The following F5 variants were observed in gnomAD, a reference collection of about 807,000 sequenced individuals.
F5 encodes the protein coagulation factor V, also known as activated protein c cofactor.
In F5, 138 loss-of-function variants were observed where a neutral mutation model predicts 216.4. The observed-to-expected ratio is 0.64, with a 90% CI of 0.56 to 0.73. The LOEUF is 0.73. F5 is among the 30% of genes least tolerant of loss of function. The pLI is 0.00. For missense variants in F5, 2,403 were observed against 2,674.0 expected, an observed-to-expected ratio of 0.90 and a Z score of 2.24; for synonymous variants, 916 against 930.7, an observed-to-expected ratio of 0.98 and a Z score of 0.29.
At chr1:169,543,940 T>C (rs999444019) in intron 12 of F5, among the ~76,000 whole-genome samples, 1 of 152,200 alleles carries the variant, frequency 6.6e-6, no homozygotes, top group Admixed American at 6.5e-5. Context: ...CTGTACCTGA[T>C]GATTGAAGAT....
intron 10 of F5, among the ~76,000 whole-genome samples, chr1:169,549,413 A>C (rs1257765163): frequency 6.6e-6 from 1 of 152,190 alleles, no homozygotes; most frequent in Admixed American, 6.5e-5. Context: ...AAAGAGCTTT[A>C]TACTTTTACC....
chr1:169,536,998 CTA>C (rs1659719742), intron 13 of F5, among the ~76,000 whole-genome samples: 1 of 151,690 alleles, frequency 6.6e-6, no homozygotes, highest in South Asian at 2.1e-4. Flanking sequence ...TATAATATCT[CTA>C]GAATATATAT....
intron 3 of F5, among the ~76,000 whole-genome samples, chr1:169,570,086 C>G (rs1660690368): frequency 6.6e-6 from 1 of 152,056 alleles, no homozygotes; most frequent in Non-Finnish European, 1.5e-5. Context: ...CTTTCCCTAC[C>G]AATATGTATT....
At chr1:169,527,723 G>C (rs952518503) in intron 17 of F5, among the ~76,000 whole-genome samples, 192 bp downstream of exon 17, 2 of 152,166 alleles carry the variant, frequency 1.3e-5, no homozygotes, top group Non-Finnish European at 2.9e-5. Context: ...GCTGCAAATA[G>C]TTCATAAATT....
At position 169,541,695 on chromosome 1, in the gene F5, A is replaced by G. The variant is rs770317746; in HGVS notation, c.3395T>C (p.Ile1132Thr). 1.9e-6 allele frequency: 3 copies of G among 1,614,036 alleles called. No individual in the cohort carries two copies. Among genetic ancestry groups the G allele is most frequent in the Non-Finnish European group, 2.5e-6 (3 of 1,179,982 alleles). ...PPEEHYQTFP[I>T]QDPDQMHSTS... ...AGAGTGCATTTGATCAGGGTCTTGA[A>G]TGGGGAATGTTTGATAGTGTTCCTC... The change falls in exon 13 of 25, where the codon ATT (isoleucine) becomes ACT (threonine). Residue 1132 changes from isoleucine to threonine, a missense_variant. Coordinates refer to ENST00000367797, the MANE Select transcript of F5 (RefSeq NM_000130.5).
rs774489966 is a variant in F5, at chr1:169,542,838, A to G, written c.2252T>C (p.Phe751Ser). The G allele has an allele frequency of 1.5e-5, 24 of 1,613,982 alleles. No individual in the cohort carries two copies. The highest frequency in any genetic ancestry group is 9.3e-6 in the Non-Finnish European group (11 of 1,180,002). Residue 751 changes from phenylalanine to serine, a missense_variant, in exon 13 of 25, where the codon TTC (phenylalanine) becomes TCC (serine). Phe to Ser is a radical substitution (Grantham distance 155). Coordinates refer to ENST00000367797, the MANE Select transcript of F5 (RefSeq NM_000130.5). ...NSSLNQEEEEFNLTALALENG... is the reference protein window; with the variant it reads ...NSSLNQEEEESNLTALALENG... ...CTCCAGAGCTAGGGCAGTAAGATTG[A>G]ACTCTTCTTCTTCCTGATTCAATGA...
At position 169,512,126 on chromosome 1, in the gene F5, T is replaced by G. The variant is rs1659039821; in HGVS notation, c.*2187A>C. Among the ~76,000 whole-genome samples the G allele has an allele frequency of 6.6e-6, 1 of 152,038 alleles. No individual in the cohort carries two copies. Among genetic ancestry groups the G allele is most frequent in the African/African-American group, 2.4e-5 (1 of 41,408 alleles). Reference sequence around the variant, plus strand: ...CTGTCTGAGCAATGGATTAGAAACATTATAAGTTTCATTTTATGGAAGAGA... The same window carrying G: ...CTGTCTGAGCAATGGATTAGAAACAGTATAAGTTTCATTTTATGGAAGAGA... On this transcript the variant is annotated 3_prime_UTR_variant, in exon 25 of 25. Transcript: ENST00000367797.
chr1:169,574,313 C>T (rs1660793954), intron 2 of F5, among the ~76,000 whole-genome samples: 1 of 152,138 alleles, frequency 6.6e-6, no homozygotes, highest in African/African-American at 2.4e-5. Flanking sequence ...CAAATATCAC[C>T]TCAGCCTCAA....
chr1:169,525,738 A>G lies in F5; in HGVS notation c.5716+163T>C, dbSNP rs1659430368. 2.6e-5 allele frequency among the ~76,000 whole-genome samples: 4 copies of G among 152,204 alleles called. No individual in the cohort carries two copies. In the South Asian group the frequency reaches 8.3e-4, roughly 32 times the overall value. Reference sequence around the variant, plus strand: ...TTTTGATCTGACTGATGTGTTTTCAATGCAATCAGACCATGGGCCGGAATA... The same window carrying G: ...TTTTGATCTGACTGATGTGTTTTCAGTGCAATCAGACCATGGGCCGGAATA... On this transcript the variant is annotated intron_variant, in intron 18 of 24. Coordinates refer to ENST00000367797, the MANE Select transcript of F5 (RefSeq NM_000130.5).
intron 23 of F5, among the ~76,000 whole-genome samples, chr1:169,517,556 A>G (rs1659189023): frequency 6.6e-6 from 1 of 152,188 alleles, no homozygotes; most frequent in Non-Finnish European, 1.5e-5. Context: ...AGTTGGCTGA[A>G]GGGATCATCA....
chr1:169,556,765 T>G lies in F5; in HGVS notation c.833A>C (p.Gln278Pro), dbSNP rs1159315937. 1.2e-6 allele frequency: 2 copies of G among 1,614,138 alleles called. No individual in the cohort carries two copies. Among genetic ancestry groups the G allele is most frequent in the Non-Finnish European group, 1.7e-6 (2 of 1,180,008 alleles). The change falls in exon 6 of 25, where the codon CAG becomes CCG. Residue 278 changes from glutamine to proline, a missense_variant. This residue lies in a region of F5 where 1,425 missense variants were observed against 1,554.8 expected (regional missense o/e 0.92). Transcript: ENST00000367797. ...SIHFNGQVLEQNHHKVSAITL... is the reference protein window; with the variant it reads ...SIHFNGQVLEPNHHKVSAITL... Reference sequence around the variant, plus strand: ...GATGGCTGAGACCTTATGATGGTTCTGCTCCAGGACCTGGCCGTTGAAATG... The same window carrying G: ...GATGGCTGAGACCTTATGATGGTTCGGCTCCAGGACCTGGCCGTTGAAATG...
At chr1:169,572,544 G>A (rs192909481) in intron 2 of F5, among the ~76,000 whole-genome samples, 4 of 152,248 alleles carry the variant, frequency 2.6e-5, no homozygotes, top group African/African-American at 9.6e-5. Context: ...ACAATAGAAT[G>A]GTAGAAACAC....
In F5 at chr1:169,529,593, G is replaced by A. The variant is rs770737543; in HGVS notation, c.5419+15C>T. On this transcript the variant is annotated intron_variant, in intron 16 of 24. Coordinates refer to ENST00000367797, the MANE Select transcript of F5 (RefSeq NM_000130.5). Reference sequence around the variant, plus strand: ...GATTTAATTAGGAGATTAGATCAAAGTCTGAGGAAAATACCGTGAAACTCA... The same window carrying A: ...GATTTAATTAGGAGATTAGATCAAAATCTGAGGAAAATACCGTGAAACTCA... The A allele has an allele frequency of 6.2e-7, 1 of 1,609,000 alleles. No homozygotes were observed. Among genetic ancestry groups the A allele is most frequent in the South Asian group, 1.1e-5 (1 of 90,982 alleles).
rs1438410513 is a variant in F5 at position 169,540,940 on chromosome 1, G to C, written c.4150C>G (p.Leu1384Val). The C allele has an allele frequency of 6.2e-7, 1 of 1,614,174 alleles. No individual in the cohort carries two copies. The highest frequency in any genetic ancestry group is 8.5e-7 in the Non-Finnish European group (1 of 1,180,022). Reference protein sequence around the residue: ...NLSPELSQTNLSPDLSEMPLF... With the variant: ...NLSPELSQTNVSPDLSEMPLF... Reference sequence around the variant, plus strand: ...GGCATCTCACTGAGGTCTGGGGAAAGGTTTGTCTGACTGAGTTCTGGAGAG... The same window carrying C: ...GGCATCTCACTGAGGTCTGGGGAAACGTTTGTCTGACTGAGTTCTGGAGAG... Residue 1384 changes from leucine (L) to valine (V), a missense_variant, in exon 13 of 25, where the codon CTT becomes GTT. By Grantham distance (32) the Leu-to-Val change is conservative. Transcript: ENST00000367797.
At chr1:169,539,703 G>A (rs992475369) in intron 13 of F5, among the ~76,000 whole-genome samples, 1 of 152,278 alleles carries the variant, frequency 6.6e-6, no homozygotes, top group African/African-American at 2.4e-5. Context: ...CAGTCATCAT[G>A]CTATATCCCT....
intron 2 of F5, among the ~76,000 whole-genome samples, chr1:169,576,949 T>C (rs913554932): frequency 1.3e-5 from 2 of 152,190 alleles, no homozygotes; most frequent in African/African-American, 4.8e-5. Context: ...CAACCTCCCC[T>C]CCTGCTTCTT....
intron 21 of F5, 46 bp downstream of exon 21, chr1:169,523,151 G>T (rs771859750): frequency 4.4e-6 from 7 of 1,598,336 alleles, no homozygotes; most frequent in Non-Finnish European, 5.1e-6. Context: ...ATAATTCTAG[G>T]CCAAGTCTAG....
rs747215273 is a variant in F5 at position 169,572,308 on chromosome 1, C to G, written c.286G>C (p.Asp96His). 1.4e-5 allele frequency: 23 copies of G among 1,613,106 alleles called. No individual in the cohort carries two copies. The East Asian group carries it at 4.9e-4, about 34-fold the overall frequency. The change falls in exon 3 of 25, where the codon GAC becomes CAC. Residue 96 changes from aspartate to histidine, a missense_variant. Asp to His is a moderately conservative substitution (Grantham distance 81). Around this residue, in one of 4 missense-constraint regions of F5, gnomAD observed 1,425 missense variants for 1,554.8 expected, o/e 0.92. Coordinates refer to ENST00000367797, the MANE Select transcript of F5 (RefSeq NM_000130.5). ...TTTTTAAAGTGAACTTTTATGATGTCTCCGACTTCAGCATATAAAGTAGGC... is the reference window on the plus strand; with the variant it reads ...TTTTTAAAGTGAACTTTTATGATGTGTCCGACTTCAGCATATAAAGTAGGC... ...LGPTLYAEVG[D>H]IIKVHFKNKA...
At chr1:169,565,366 T>C (rs1209014838) in intron 3 of F5, among the ~76,000 whole-genome samples, 1 of 152,078 alleles carries the variant, frequency 6.6e-6, no homozygotes, top group Non-Finnish European at 1.5e-5. Flanking sequence ...GGAAAAGTGC[T>C]GGATTGTATT....
Sources: allele counts gnomAD v4.1 joint callset (sites outside exome capture counted in the v4.1 genomes callset), GRCh38; gene constraint gnomAD v4.1.1; regional missense constraint gnomAD v4.1.1; transcripts MANE v1.5; gene names NCBI Gene and HGNC (gene_info 2026-07-23, HGNC 2026-07-21).